DYNC1LI1: variants seen among roughly 807,000 people sequenced by gnomAD.
The protein encoded by DYNC1LI1 is cytoplasmic dynein 1 light intermediate chain 1.
In DYNC1LI1, 19 loss-of-function variants were observed where a neutral mutation model predicts 63.8. The observed-to-expected ratio is 0.30, with a 90% CI of 0.21 to 0.44. The LOEUF (loss-of-function observed/expected upper bound fraction) is 0.44, where lower values mean the gene tolerates loss of function less well. Among genes scored for constraint, DYNC1LI1 ranks in the 20% least tolerant of loss-of-function variants. The probability of loss-of-function intolerance (pLI) is 1.00; values close to 1 mark genes in which losing one functional copy is unlikely to be tolerated. For synonymous variants in DYNC1LI1, 225 were observed against 232.3 expected (o/e 0.97, Z 0.28); for missense variants, 565 against 630.2 (o/e 0.90, Z 1.11).
intron 2 of DYNC1LI1, among the ~76,000 whole-genome samples, chr3:32,569,777 TTAAC>T (rs1698316351): frequency 6.6e-6 from 1 of 152,228 alleles, no homozygotes; most frequent in Non-Finnish European, 1.5e-5. Flanking sequence ...CTGAAAAGAC[TTAAC>T]TAGAAAGTTG....
At chr3:32,527,113 G>A (rs1453251558) in intron 12 of DYNC1LI1, among the ~76,000 whole-genome samples, 1 of 152,128 alleles carries the variant, frequency 6.6e-6, no homozygotes, top group Non-Finnish European at 1.5e-5. Context: ...AGGCCAAGGT[G>A]GGAGGATCAC....
chr3:32,541,568 C>A (rs1450728743), intron 4 of DYNC1LI1, among the ~76,000 whole-genome samples: 2 of 152,116 alleles, frequency 1.3e-5, no homozygotes, highest in African/African-American at 4.8e-5. Context: ...AGAAAAAAAT[C>A]CCATAACTTA....
At chr3:32,529,492 T>C in intron 11 of DYNC1LI1, 48 bp downstream of exon 11, 1 of 1,533,982 alleles carries the variant, frequency 6.5e-7, no homozygotes, top group Non-Finnish European at 8.8e-7. Context: ...ATAGATTTAT[T>C]TCTCTTGTAA....
chr3:32,536,612 T>C (rs1421361900), intron 6 of DYNC1LI1, among the ~76,000 whole-genome samples: 2 of 152,148 alleles, frequency 1.3e-5, no homozygotes, highest in East Asian at 1.9e-4. Flanking sequence ...TTAGGCTATA[T>C]GTGGAGAAGA....
At chr3:32,536,572 G>C (rs1697776715) in intron 6 of DYNC1LI1, among the ~76,000 whole-genome samples, 1 of 152,114 alleles carries the variant, frequency 6.6e-6, no homozygotes, top group South Asian at 2.1e-4. Flanking sequence ...AATATGTCTA[G>C]ATAGGCAGAG....
At chr3:32,561,440 A>C (rs1192418904) in intron 2 of DYNC1LI1, among the ~76,000 whole-genome samples, 1 of 151,294 alleles carries the variant, frequency 6.6e-6, no homozygotes, top group Non-Finnish European at 1.5e-5. Context: ...CATCCTGGCT[A>C]ACACAGCGAA....
At chr3:32,549,167 G>A (rs1349359464) in intron 2 of DYNC1LI1, among the ~76,000 whole-genome samples, 1 of 151,714 alleles carries the variant, frequency 6.6e-6, no homozygotes, top group Non-Finnish European at 1.5e-5. Context: ...TAGTTTCTAT[G>A]GCATTTAATT....
rs143240967 is a variant in DYNC1LI1, at chr3:32,526,711, C to T, written c.*88G>A. On this transcript the variant is annotated 3_prime_UTR_variant, in exon 13 of 13. Transcript: ENST00000273130. Reference sequence around the variant, plus strand: ...ATTTAGTCCATCTGAAGAAGCACTCCAGCTTTCTAATTCCACTTTTGAAGG... The same window carrying T: ...ATTTAGTCCATCTGAAGAAGCACTCTAGCTTTCTAATTCCACTTTTGAAGG... 254 of 980,280 alleles carry T rather than the reference C, an allele frequency of 2.6e-4. 2 individuals are homozygous for T. The African/African-American group carries it at 3.5e-3, about 13-fold the overall frequency. The allele number at this position is 980,280 out of a possible 1,614,324, so 60.7% of individuals were successfully genotyped here.
Position 32,530,337 on chromosome 3 carries a change from A to G in DYNC1LI1, c.1141-9T>C. ...TGCTTTGCTAAAAGGGACTGAAAAA[A>G]AAAAAAAAAAAGAATCCTAGTTTAG... is the stretch of plus-strand genomic sequence containing the variant. On this transcript the variant is annotated splice_polypyrimidine_tract_variant and intron_variant, in intron 9 of 12. Coordinates refer to ENST00000273130, the MANE Select transcript of DYNC1LI1 (RefSeq NM_016141.4). 6.2e-7 allele frequency: 1 copy of G among 1,600,622 alleles called. No individual in the cohort carries two copies. The highest frequency in any genetic ancestry group is 1.1e-5 in the South Asian group (1 of 88,292).
intron 4 of DYNC1LI1, among the ~76,000 whole-genome samples, chr3:32,541,933 A>C (rs1265121081): frequency 6.6e-6 from 1 of 152,214 alleles, no homozygotes; most frequent in Non-Finnish European, 1.5e-5. Flanking sequence ...TTTGGAAACA[A>C]ACTGTCTATA....
chr3:32,529,758 G>A, intron 10 of DYNC1LI1, 98 bp from the exon 11 acceptor site: 3 of 1,031,560 alleles, frequency 2.9e-6, no homozygotes, highest in Non-Finnish European at 4.1e-6. Context: ...ACTATCCCCT[G>A]TTCTACTGGT....
rs779341533 is a variant in DYNC1LI1 at position 32,526,804 on chromosome 3, A to G, written c.1567T>C (p.Ser523Pro). 1.2e-6 allele frequency: 2 copies of G among 1,605,718 alleles called. No homozygotes were observed. Among genetic ancestry groups the G allele is most frequent in the Non-Finnish European group, 1.7e-6 (2 of 1,172,392 alleles). ...TPTSPTEGEA[S>P] ...AATGGCTTTATTTGGTATCTTCAAG[A>G]AGCTTCTCCTTCCGTAGGAGATGTA... Residue 523 changes from serine (S) to proline (P), a missense_variant, in exon 13 of 13, where the codon TCT becomes CCT. Coordinates refer to ENST00000273130, the MANE Select transcript of DYNC1LI1 (RefSeq NM_016141.4).
At chr3:32,568,826 A>G (rs573276095) in intron 2 of DYNC1LI1, among the ~76,000 whole-genome samples, 10 of 152,348 alleles carry the variant, frequency 6.6e-5, no homozygotes, top group African/African-American at 2.4e-4. Context: ...ATCAATTTCA[A>G]TGAGGTCATA....
chr3:32,567,023 T>C (rs1463333180), intron 2 of DYNC1LI1, among the ~76,000 whole-genome samples: 2 of 152,238 alleles, frequency 1.3e-5, no homozygotes, highest in African/African-American at 2.4e-5. Context: ...ACAAGTGCCA[T>C]TGCAACAGCT....
At chr3:32,555,015 G>A (rs1463061577) in intron 2 of DYNC1LI1, among the ~76,000 whole-genome samples, 5 of 151,894 alleles carry the variant, frequency 3.3e-5, no homozygotes, top group East Asian at 1.9e-4. Context: ...GACTACAGGC[G>A]CATGCCACCA....
At chr3:32,558,250 T>C (rs1698141883) in intron 2 of DYNC1LI1, among the ~76,000 whole-genome samples, 1 of 151,700 alleles carries the variant, frequency 6.6e-6, no homozygotes, top group South Asian at 2.1e-4. Context: ...AACAACAATT[T>C]CATAAAAGCA....
At chr3:32,566,089 C>T (rs9882197) in intron 2 of DYNC1LI1, among the ~76,000 whole-genome samples, 2 of 152,028 alleles carry the variant, frequency 1.3e-5, no homozygotes, top group Non-Finnish European at 2.9e-5. Context: ...TTGGGCAACA[C>T]GGTGAGACCT....
chr3:32,547,173 G>T (rs755521809), intron 2 of DYNC1LI1, among the ~76,000 whole-genome samples: 1 of 152,094 alleles, frequency 6.6e-6, no homozygotes, highest in Non-Finnish European at 1.5e-5. Flanking sequence ...AATCCGGGAG[G>T]TAGAGGTTGC....
At chr3:32,569,919 C>T (rs1698318861) in intron 2 of DYNC1LI1, among the ~76,000 whole-genome samples, 1 of 152,220 alleles carries the variant, frequency 6.6e-6, no homozygotes, top group Non-Finnish European at 1.5e-5. Context: ...TAGCTTCTGT[C>T]AATTATACAA....
Sources: allele counts gnomAD v4.1 joint callset (sites outside exome capture counted in the v4.1 genomes callset), GRCh38; gene constraint gnomAD v4.1.1; transcripts MANE v1.5; gene names NCBI Gene and HGNC (gene_info 2026-07-23, HGNC 2026-07-21).